PRKCI: variants seen among roughly 807,000 people sequenced by gnomAD.
PRKCI encodes the protein protein kinase C iota.
Under a neutral mutation model 84.0 loss-of-function variants are expected in PRKCI, and 43 were observed. The observed-to-expected ratio is 0.51, with a 90% confidence interval of 0.40 to 0.66. The LOEUF is 0.66. Ranked by LOEUF, PRKCI falls within the 30% of genes least tolerant of loss-of-function variation. The pLI is 0.00. For missense variants in PRKCI, 459 were observed against 745.6 expected (o/e 0.62, Z 4.48); for synonymous variants, 216 against 234.4 (o/e 0.92, Z 0.72).
At chr3:170,253,893 TC>T (rs991669347) in intron 2 of PRKCI, among the ~76,000 whole-genome samples, 15 of 151,862 alleles carry the variant, frequency 9.9e-5, no homozygotes, top group African/African-American at 3.4e-4. Context: ...GGTCAGGAGT[TC>T]CAGACCAGCC....
At position 170,273,356 on chromosome 3, in the gene PRKCI, G is replaced by C. The variant is rs376918788; in HGVS notation, c.646+16G>C. On this transcript the variant is annotated intron_variant, in intron 7 of 17. Transcript: ENST00000295797. ...GCACAGACAGGTAAGAGTGGTGCTG[G>C]CACAACCCATTGTTCATTCACAGAG... 1 of 1,610,444 alleles carries C rather than the reference G, an allele frequency of 6.2e-7. No individual in the cohort carries two copies. The highest frequency in any genetic ancestry group is 1.7e-5 in the Admixed American group (1 of 59,938).
At chr3:170,234,616 T>C (rs906132448) in intron 1 of PRKCI, among the ~76,000 whole-genome samples, 4 of 152,180 alleles carry the variant, frequency 2.6e-5, no homozygotes, top group African/African-American at 9.7e-5. Context: ...AATTCCAGAA[T>C]ACATTCTCTC....
intron 4 of PRKCI, among the ~76,000 whole-genome samples, chr3:170,265,966 G>T (rs974164990): frequency 6.6e-5 from 10 of 152,104 alleles, no homozygotes; most frequent in African/African-American, 2.2e-4. Flanking sequence ...TTCTAATTGA[G>T]AGCATTGCAA....
intron 5 of PRKCI, 108 bp from the exon 6 acceptor site, chr3:170,270,313 G>T: frequency 1.5e-5 from 17 of 1,124,490 alleles, no homozygotes; most frequent in Non-Finnish European, 1.8e-5. Context: ...TGTTTTTGTT[G>T]TGGGCTGACA....
chr3:170,238,083 C>T (rs1431417512), intron 2 of PRKCI, among the ~76,000 whole-genome samples: 1 of 152,154 alleles, frequency 6.6e-6, no homozygotes, highest in East Asian at 1.9e-4. Context: ...TTATATGGGG[C>T]CGGGCATGGT....
chr3:170,240,722 T>A (rs1472126195), intron 2 of PRKCI, among the ~76,000 whole-genome samples: 1 of 152,348 alleles, frequency 6.6e-6, no homozygotes, highest in East Asian at 1.9e-4. Context: ...TTCTCTGGCA[T>A]ATGAGAAGTG....
At chr3:170,261,397 A>G (rs1733721991) in intron 3 of PRKCI, among the ~76,000 whole-genome samples, 1 of 151,880 alleles carries the variant, frequency 6.6e-6, no homozygotes. Context: ...CCTTAAGTAT[A>G]ATGAATCATT....
chr3:170,290,568 C>G (rs556063547), intron 12 of PRKCI, among the ~76,000 whole-genome samples: 102 of 150,914 alleles, frequency 6.8e-4, no homozygotes, highest in African/African-American at 2.4e-3. Context: ...AGCTTTTTTC[C>G]AAATCTTTCT....
At chr3:170,267,237 T>C (rs938382078) in intron 4 of PRKCI, among the ~76,000 whole-genome samples, 2 of 152,124 alleles carry the variant, frequency 1.3e-5, no homozygotes, top group African/African-American at 2.4e-5. Context: ...AAAAGTATTT[T>C]TTTTGTAGTG....
rs374691327 is a variant in PRKCI, at chr3:170,304,397, A to G, written c.*1270A>G. On this transcript the variant is annotated 3_prime_UTR_variant, in exon 18 of 18. Coordinates refer to ENST00000295797, the MANE Select transcript of PRKCI (RefSeq NM_002740.6). ...CATGTATTCAGTGGAGGCAGAATGT[A>G]TAATATTTTTTCCTTATAATTTAGC... 1.4e-4 allele frequency: 22 copies of G among 152,214 alleles called. No homozygotes were observed. The highest frequency in any genetic ancestry group is 4.8e-4 in the African/African-American group (20 of 41,460). The allele number at this position is 152,214 out of a possible 1,614,324, so 9.4% of individuals were successfully genotyped here.
chr3:170,289,164 T>C lies in PRKCI; in HGVS notation c.1204-2690T>C, dbSNP rs1459764589. On this transcript the variant is annotated intron_variant, in intron 12 of 17. Transcript: ENST00000295797. ...AGCTGTTACAAGTTAACAGACTACA[T>C]CTCTTACCTCTGACTATTGTACTGA... Among the ~76,000 whole-genome samples, 4 of 152,198 alleles carry C rather than the reference T, an allele frequency of 2.6e-5. No individual in the cohort carries two copies. In the East Asian group the frequency reaches 7.7e-4, roughly 29 times the overall value.
intron 9 of PRKCI, among the ~76,000 whole-genome samples, chr3:170,280,699 T>G (rs1040730472): frequency 6.6e-6 from 1 of 152,180 alleles, no homozygotes; most frequent in African/African-American, 2.4e-5. Flanking sequence ...TCCACCCGCC[T>G]CAGCCTCCCA....
chr3:170,267,627 T>C (rs1733894689), intron 4 of PRKCI, among the ~76,000 whole-genome samples: 1 of 144,704 alleles, frequency 6.9e-6, no homozygotes, highest in Non-Finnish European at 1.5e-5. Context: ...GAGCTGAGAC[T>C]GTGCCACCGC....
intron 12 of PRKCI, among the ~76,000 whole-genome samples, chr3:170,286,612 G>A (rs1734400751): frequency 7.0e-6 from 1 of 143,784 alleles, no homozygotes; most frequent in Non-Finnish European, 1.5e-5. Flanking sequence ...CAAACCTTTT[G>A]AGAAGCAGTT....
At chr3:170,291,639 G>A (rs1734553948) in intron 12 of PRKCI, 1 of 435,844 alleles carries the variant, frequency 2.3e-6, no homozygotes, top group South Asian at 2.5e-5. Flanking sequence ...GGAGGTTGTA[G>A]TGAGCTGAGA....
chr3:170,269,470 G>A (rs565806122), intron 5 of PRKCI, among the ~76,000 whole-genome samples: 1 of 152,140 alleles, frequency 6.6e-6, no homozygotes, highest in East Asian at 1.9e-4. Flanking sequence ...AGACCAGCCA[G>A]GGTAACGTAG....
At chr3:170,262,832 CTTTTTTTTTT>C (rs748452040) in intron 3 of PRKCI, among the ~76,000 whole-genome samples, 1 of 133,024 alleles carries the variant, frequency 7.5e-6, no homozygotes, top group Non-Finnish European at 1.6e-5. Context: ...TTCTTTCTTT[CTTTTTTTTTT>C]TTTTTTTTAA....
At chr3:170,273,178 A>T in intron 6 of PRKCI, 108 bp from the exon 7 acceptor site, 1 of 892,430 alleles carries the variant, frequency 1.1e-6, no homozygotes, top group Non-Finnish European at 1.8e-6. Context: ...CTTAAGTTAT[A>T]TTCTTTCAAA....
rs531951893 is a variant in PRKCI, at chr3:170,232,640, C to CA, written c.102-2589dup. ...GAAGTCCAATGGCTCGATCATGGCT[C>CA]ACTGCAGCCTTGAACTCCTGGGCTC... On this transcript the variant is annotated intron_variant, in intron 1 of 17. Coordinates refer to ENST00000295797, the MANE Select transcript of PRKCI (RefSeq NM_002740.6). Among the ~76,000 whole-genome samples, 9 of 152,046 alleles carry CA rather than the reference C, an allele frequency of 5.9e-5. 1 individual carries two copies. In the South Asian group the frequency reaches 6.2e-4, roughly 11 times the overall value.
Sources: allele counts gnomAD v4.1 joint callset (sites outside exome capture counted in the v4.1 genomes callset), GRCh38; gene constraint gnomAD v4.1.1; transcripts MANE v1.5; gene names NCBI Gene and HGNC (gene_info 2026-07-23, HGNC 2026-07-21).